KLHL1: variants seen among roughly 807,000 people sequenced by gnomAD.
KLHL1 encodes kelch like family member 1.
In KLHL1, 47 loss-of-function variants were observed where a neutral mutation model predicts 77.7. The observed-to-expected ratio is 0.60, with a 90% CI of 0.48 to 0.77. The LOEUF (loss-of-function observed/expected upper bound fraction) is 0.77. KLHL1 is among the 30% of genes least tolerant of loss of function. KLHL1 has a pLI of 0.00. For missense variants in KLHL1, 925 were observed against 910.8 expected, an observed-to-expected ratio of 1.02 and a Z score of -0.20; for synonymous variants, 360 against 325.2, an observed-to-expected ratio of 1.11 and a Z score of -1.15.
intron 5 of KLHL1, among the ~76,000 whole-genome samples, chr13:69,877,580 CA>C (rs1349463273): frequency 6.6e-6 from 1 of 151,900 alleles, no homozygotes; most frequent in Non-Finnish European, 1.5e-5. Flanking sequence ...AAAACTATTA[CA>C]AAAAATTCCA....
chr13:70,032,375 T>A (rs1234380054), intron 1 of KLHL1, among the ~76,000 whole-genome samples: 1 of 152,146 alleles, frequency 6.6e-6, no homozygotes, highest in Non-Finnish European at 1.5e-5. Flanking sequence ...GCCCTTAGAT[T>A]TTGACAATAT....
At chr13:69,942,014 A>T (rs945872049) in intron 3 of KLHL1, among the ~76,000 whole-genome samples, 1 of 152,050 alleles carries the variant, frequency 6.6e-6, no homozygotes, top group Non-Finnish European at 1.5e-5. Context: ...GCTCAATTCT[A>T]CCAGACATTC....
At chr13:69,702,268 A>C (rs1875428778) in intron 10 of KLHL1, among the ~76,000 whole-genome samples, 1 of 151,774 alleles carries the variant, frequency 6.6e-6, no homozygotes, top group African/African-American at 2.4e-5. Flanking sequence ...CCATAATTAT[A>C]ATTGCTATAT....
At chr13:70,030,742 T>G (rs1281160285) in intron 1 of KLHL1, among the ~76,000 whole-genome samples, 1 of 151,828 alleles carries the variant, frequency 6.6e-6, no homozygotes, top group Non-Finnish European at 1.5e-5. Flanking sequence ...ATAACTAAGA[T>G]CAGAGCAGAA....
rs776462679 is a variant in KLHL1, at chr13:69,838,964, A to G, written c.1414+12T>C. On this transcript the variant is annotated intron_variant, in intron 6 of 10. Transcript: ENST00000377844. ...ACAGGATGTATAGTTATATAAATCCAGAATTAAATACCTTTGTTGTTATCC... is the reference window on the plus strand; with the variant it reads ...ACAGGATGTATAGTTATATAAATCCGGAATTAAATACCTTTGTTGTTATCC... 1.9e-6 allele frequency: 3 copies of G among 1,578,062 alleles called. No homozygotes were observed. Among genetic ancestry groups the G allele is most frequent in the South Asian group, 2.4e-5 (2 of 84,798 alleles).
chr13:69,774,037 CAA>C (rs1566235900), intron 7 of KLHL1, among the ~76,000 whole-genome samples: 2 of 151,648 alleles, frequency 1.3e-5, no homozygotes, highest in Non-Finnish European at 2.9e-5. Context: ...GTAAAAATAA[CAA>C]AAATAATGTT....
chr13:69,880,605 G>A (rs1452700921), intron 5 of KLHL1, among the ~76,000 whole-genome samples: 2 of 152,004 alleles, frequency 1.3e-5, no homozygotes, highest in African/African-American at 4.8e-5. Flanking sequence ...ATAATGTATA[G>A]CCTTAGGAAC....
intron 6 of KLHL1, among the ~76,000 whole-genome samples, chr13:69,833,746 G>GGTGT (rs553112924): frequency 0.061 from 1,670 of 27,434 alleles, 35 homozygotes; most frequent in African/African-American, 0.087. Flanking sequence ...AAGAAATAAT[G>GGTGT]GTATATATAT....
chr13:69,891,209 G>C (rs1289692048), intron 4 of KLHL1, among the ~76,000 whole-genome samples: 1 of 152,024 alleles, frequency 6.6e-6, no homozygotes, highest in Non-Finnish European at 1.5e-5. Context: ...AACTCTGCCG[G>C]ACTGAAGTGA....
intron 6 of KLHL1, among the ~76,000 whole-genome samples, chr13:69,814,316 C>T (rs2325234): frequency 0.24 from 37,079 of 151,920 alleles, 4,582 homozygotes; most frequent in South Asian, 0.31. Flanking sequence ...ATAAAACACT[C>T]TTCTAGACAT....
At chr13:69,718,673 A>G (rs1478501484) in intron 9 of KLHL1, among the ~76,000 whole-genome samples, 13 of 152,092 alleles carry the variant, frequency 8.5e-5, no homozygotes, top group African/African-American at 3.1e-4. Context: ...ACCATATAAT[A>G]GTTCTAAGTA....
intron 7 of KLHL1, among the ~76,000 whole-genome samples, chr13:69,758,969 T>TC: frequency 6.6e-6 from 1 of 152,072 alleles, no homozygotes; most frequent in South Asian, 2.1e-4. Flanking sequence ...TCCCTAATGT[T>TC]CCCCCCAGGG....
At position 69,732,677 on chromosome 13, in the gene KLHL1, T is replaced by G. The variant is rs528528774; in HGVS notation, c.1802+7717A>C. On this transcript the variant is annotated intron_variant, in intron 8 of 10. Transcript: ENST00000377844. Reference sequence around the variant, plus strand: ...TTTGCTTTTTTTTTTTTCCTGTGAGTGTCACCCCATCCTTTTCTCACCGTA... The same window carrying G: ...TTTGCTTTTTTTTTTTTCCTGTGAGGGTCACCCCATCCTTTTCTCACCGTA... 3.3e-5 allele frequency among the ~76,000 whole-genome samples: 5 copies of G among 151,134 alleles called. No individual in the cohort carries two copies. In the South Asian group the frequency reaches 6.3e-4, roughly 19 times the overall value.
At chr13:69,845,548 C>G (rs1242418434) in intron 5 of KLHL1, among the ~76,000 whole-genome samples, 1 of 151,436 alleles carries the variant, frequency 6.6e-6, no homozygotes, top group Non-Finnish European at 1.5e-5. Context: ...AATATGAAAC[C>G]ATATTATATA....
intron 1 of KLHL1, among the ~76,000 whole-genome samples, chr13:70,033,754 G>A (rs919239835): frequency 4.6e-5 from 7 of 151,376 alleles, no homozygotes; most frequent in African/African-American, 1.7e-4. Flanking sequence ...AGAGCAGCTG[G>A]AATTACAGGC....
chr13:70,018,233 A>G (rs1174307454), intron 1 of KLHL1, among the ~76,000 whole-genome samples: 1 of 152,224 alleles, frequency 6.6e-6, no homozygotes, highest in Non-Finnish European at 1.5e-5. Context: ...CAAGTACCCT[A>G]TAATATTGAT....
intron 2 of KLHL1, among the ~76,000 whole-genome samples, chr13:69,969,485 T>C (rs1358640220): frequency 6.6e-6 from 1 of 152,060 alleles, no homozygotes; most frequent in African/African-American, 2.4e-5. Context: ...ACAAACAAAC[T>C]ATAATAAACT....
chr13:70,060,663 G>A (rs1886858739), intron 1 of KLHL1, among the ~76,000 whole-genome samples: 1 of 152,040 alleles, frequency 6.6e-6, no homozygotes, highest in African/African-American at 2.4e-5. Flanking sequence ...GGCCAACGTG[G>A]TGAAACCCCC....
chr13:69,881,772 C>A (rs1454166243), intron 5 of KLHL1, among the ~76,000 whole-genome samples: 1 of 152,238 alleles, frequency 6.6e-6, no homozygotes, highest in East Asian at 1.9e-4. Context: ...ATTCTAATTG[C>A]TAACTACTGT....
Sources: allele counts gnomAD v4.1 joint callset (sites outside exome capture counted in the v4.1 genomes callset), GRCh38; gene constraint gnomAD v4.1.1; transcripts MANE v1.5; gene names NCBI Gene and HGNC (gene_info 2026-07-23, HGNC 2026-07-21).